Variants in NECTIN1 observed in about 807,000 individuals in gnomAD.
NECTIN1 encodes the protein nectin-1.
Under a neutral mutation model 48.0 loss-of-function variants are expected in NECTIN1, and 23 were observed. That is an observed-to-expected ratio of 0.48 (90% confidence interval 0.34 to 0.68). The LOEUF (loss-of-function observed/expected upper bound fraction) is 0.68, where lower values mean the gene tolerates loss of function less well. NECTIN1 is among the 30% of genes least tolerant of loss of function. The probability of loss-of-function intolerance (pLI) is 0.01; values close to 1 mark genes in which losing one functional copy is unlikely to be tolerated. For synonymous variants in NECTIN1, 270 were observed against 288.9 expected (o/e 0.93, Z 0.66); for missense variants, 591 against 709.9 (o/e 0.83, Z 1.90).
At chr11:119,700,146 C>T (rs531845899) in intron 1 of NECTIN1, among the ~76,000 whole-genome samples, 39 of 152,246 alleles carry the variant, frequency 2.6e-4, no homozygotes, top group African/African-American at 8.4e-4. Context: ...TGCCAGGAGG[C>T]CTGGGGGAGA....
intron 1 of NECTIN1, among the ~76,000 whole-genome samples, chr11:119,705,014 A>G (rs715849): frequency 0.61 from 93,251 of 152,146 alleles, 28,927 homozygotes; most frequent in South Asian, 0.67. Context: ...GAGAGTGCTA[A>G]GAAGATAAGG....
chr11:119,721,459 TC>T (rs1050632514), intron 1 of NECTIN1, among the ~76,000 whole-genome samples: 23 of 152,282 alleles, frequency 1.5e-4, no homozygotes, highest in African/African-American at 5.1e-4. Flanking sequence ...GTGTCCCAAC[TC>T]CCGAAGCTGT....
intron 1 of NECTIN1, among the ~76,000 whole-genome samples, chr11:119,706,508 C>T (rs1481373577): frequency 1.3e-5 from 2 of 152,332 alleles, no homozygotes; most frequent in African/African-American, 4.8e-5. Flanking sequence ...ACCACTGTAT[C>T]TTCTCTCTGC....
chr11:119,682,099 G>A (rs543879125), intron 1 of NECTIN1, among the ~76,000 whole-genome samples: 8 of 152,278 alleles, frequency 5.3e-5, no homozygotes, highest in South Asian at 4.1e-4. Flanking sequence ...CCCAAGCCTC[G>A]TATTAGGGGC....
chr11:119,660,863 G>T, downstream of NECTIN1: 1 of 385,698 alleles, frequency 2.6e-6, no homozygotes, highest in Non-Finnish European at 3.5e-6. Context: ...TGCTCCTCTG[G>T]AACCCTGGAA....
In NECTIN1 at chr11:119,727,814, C is replaced by T. The variant is rs972725357; in HGVS notation, c.79+661G>A. Among the ~76,000 whole-genome samples, 2 of 152,202 alleles carry T rather than the reference C, an allele frequency of 1.3e-5. No individual in the cohort carries two copies. Among genetic ancestry groups the T allele is most frequent in the African/African-American group, 4.8e-5 (2 of 41,454 alleles). Reference sequence around the variant, plus strand: ...CGGTGTCTCCTCCAGGGAGAGCCCCCAGAGCTGGGAGCAGAGTTCCGAGGG... The same window carrying T: ...CGGTGTCTCCTCCAGGGAGAGCCCCTAGAGCTGGGAGCAGAGTTCCGAGGG... On this transcript the variant is annotated intron_variant, in intron 1 of 5. Coordinates refer to ENST00000264025, the MANE Select transcript of NECTIN1 (RefSeq NM_002855.5). This position sits in a 1 kb window ranked among gnomAD's most constrained non-coding sequence, Gnocchi z 4.1.
Position 119,678,759 on chromosome 11 carries a change from T to G in NECTIN1, c.86A>C (p.His29Pro). Reference protein sequence around the residue: ...GLTAFFLPGVHSQVVQVNDSM... With the variant: ...GLTAFFLPGVPSQVVQVNDSM... ...GTCGTTCACCTGGACCACCTGGGAG[T>G]GGACGCCTGGCCAGGAGGATGGCAG... Residue 29 changes from histidine (H) to proline (P), a missense_variant, in exon 2 of 6, where the codon CAC (histidine) becomes CCC (proline). Coordinates refer to ENST00000264025, the MANE Select transcript of NECTIN1 (RefSeq NM_002855.5). This position sits in a 1 kb window ranked among gnomAD's most constrained non-coding sequence, Gnocchi z 4.4. 6.2e-7 allele frequency: 1 copy of G among 1,605,284 alleles called. No individual in the cohort carries two copies. Among genetic ancestry groups the G allele is most frequent in the Non-Finnish European group, 8.5e-7 (1 of 1,176,068 alleles).
At chr11:119,726,888 G>C (rs184012033) in intron 1 of NECTIN1, among the ~76,000 whole-genome samples, 151 of 152,260 alleles carry the variant, frequency 9.9e-4, no homozygotes, top group African/African-American at 3.4e-3. Flanking sequence ...GCAAGTCCTA[G>C]AGCCCGAACT....
chr11:119,727,531 AAGGGT>A lies in NECTIN1; in HGVS notation c.79+939_79+943del, dbSNP rs1219284800. Among the ~76,000 whole-genome samples the A allele has an allele frequency of 1.3e-5, 2 of 152,178 alleles. No individual in the cohort carries two copies. Among genetic ancestry groups the A allele is most frequent in the Non-Finnish European group, 2.9e-5 (2 of 68,022 alleles). On this transcript the variant is annotated intron_variant, in intron 1 of 5. Transcript: ENST00000264025. This position sits in a 1 kb window ranked among gnomAD's most constrained non-coding sequence, Gnocchi z 4.1. ...GCTCGGCAGCTTCCCCAGGGACACA[AAGGGT>A]TAAATCCAGGCGAGGGGACTCGGTC...
At chr11:119,682,658 A>G (rs566206080) in intron 1 of NECTIN1, among the ~76,000 whole-genome samples, 10 of 152,338 alleles carry the variant, frequency 6.6e-5, no homozygotes, top group African/African-American at 2.4e-4. Context: ...CCTGCCCTAT[A>G]AAACTGCGTA....
chr11:119,662,822 C>T lies in NECTIN1; in HGVS notation c.*1925G>A, dbSNP rs1591447295. On this transcript the variant is annotated 3_prime_UTR_variant, in exon 6 of 6. Transcript: ENST00000264025. The surrounding 1 kb of genome is among the most constrained non-coding windows in gnomAD (Gnocchi z 5.3). ...TCCACAATTTTCTCCCCTAACTTCA[C>T]CCTATCCAGTACCCCAAATGTGTAG... is the stretch of plus-strand genomic sequence containing the variant. The T allele has an allele frequency of 1.0e-6, 1 of 986,236 alleles. No homozygotes were observed. The allele number at this position is 986,236 out of a possible 1,614,324, so 61.1% of individuals were successfully genotyped here. A position where few individuals can be genotyped will look rare whatever the true frequency, so the allele number is the denominator to read the frequency against.
chr11:119,711,656 G>A (rs1865649043), intron 1 of NECTIN1, among the ~76,000 whole-genome samples: 1 of 152,196 alleles, frequency 6.6e-6, no homozygotes, highest in Non-Finnish European at 1.5e-5. Context: ...AGGTGGGTGT[G>A]TTGGGGCTCA....
rs1864737133 is a variant in NECTIN1, at chr11:119,665,017, G to A, written c.1284C>T (p.Ala428=). 2 of 1,613,798 alleles carry A rather than the reference G, an allele frequency of 1.2e-6. No homozygotes were observed. The highest frequency in any genetic ancestry group is 1.7e-6 in the Non-Finnish European group (2 of 1,179,908). ...CATAGCTGCTTCCACCCAGTGGGCC[G>A]GCCTTCTTCTCGTCGTCTGAGTCGT... ...YPDDSDDEKK[A]GPLGGSSYEE... The change falls in exon 6 of 6, where the codon GCC becomes GCT. Residue 428 remains alanine, a synonymous_variant. Transcript: ENST00000264025. This position sits in a 1 kb window ranked among gnomAD's most constrained non-coding sequence, Gnocchi z 5.1.
At chr11:119,651,457 T>C (rs1864488702) in intron 5 of NECTIN1, among the ~76,000 whole-genome samples, 1 of 152,106 alleles carries the variant, frequency 6.6e-6, no homozygotes, top group East Asian at 1.9e-4. Flanking sequence ...CGCCACCCCA[T>C]ACTCCTTAAG....
intron 5 of NECTIN1, among the ~76,000 whole-genome samples, chr11:119,670,256 A>G (rs1864844003): frequency 6.6e-6 from 1 of 152,162 alleles, no homozygotes; most frequent in Admixed American, 6.5e-5. Context: ...CACCACGCCC[A>G]GCCTACATAT....
At chr11:119,657,739 A>AAATAATAATAATAATAAT (rs57059976), downstream of NECTIN1, among the ~76,000 whole-genome samples, 48 of 128,284 alleles carry the variant, frequency 3.7e-4, no homozygotes, top group African/African-American at 9.1e-4. Flanking sequence ...TGTCTCTATA[A>AAATAATAATAATAATAAT]AATAATAATA....
chr11:119,690,328 T>A (rs560910898), intron 1 of NECTIN1, among the ~76,000 whole-genome samples: 64 of 151,976 alleles, frequency 4.2e-4, no homozygotes, highest in African/African-American at 1.4e-3. Flanking sequence ...ACAAAAAAAA[T>A]AAATAAATAA....
At chr11:119,639,472 CCT>C (rs1466237093) in intron 6 of NECTIN1, 2 of 308,606 alleles carry the variant, frequency 6.5e-6, no homozygotes, top group South Asian at 3.5e-5. Flanking sequence ...ATACTTTGTG[CCT>C]CTCTCTCCTC....
chr11:119,720,212 C>T (rs537187963), intron 1 of NECTIN1, among the ~76,000 whole-genome samples: 2 of 152,380 alleles, frequency 1.3e-5, no homozygotes, highest in African/African-American at 4.8e-5. Flanking sequence ...AGAGGCACCT[C>T]CTCCACTGCC....
Sources: gnomAD v4.1 joint callset for allele counts (sites outside exome capture counted in the v4.1 genomes callset) on GRCh38, gnomAD v4.1.1 for gene constraint, Gnocchi (gnomAD v3.1) non-coding constraint, MANE v1.5 for transcripts, NCBI Gene and HGNC (gene_info 2026-07-23, HGNC 2026-07-21) for gene names.